The following CDH2 variants were observed in gnomAD, a reference collection of about 807,000 sequenced individuals.
CDH2 encodes the protein cadherin-2.
Under a neutral mutation model 92.0 loss-of-function variants are expected in CDH2, and 17 were observed. The observed-to-expected ratio is 0.18, with a 90% CI of 0.13 to 0.28. CDH2 has a LOEUF of 0.28. CDH2 is among the 10% of genes least tolerant of loss of function. The pLI is 1.00. For missense variants in CDH2, 862 were observed against 1,133.1 expected, an observed-to-expected ratio of 0.76 and a Z score of 3.44; for synonymous variants, 419 against 415.9, an observed-to-expected ratio of 1.01 and a Z score of -0.09.
intron 2 of CDH2, among the ~76,000 whole-genome samples, chr18:28,066,566 C>G (rs540982622): frequency 2.4e-4 from 37 of 152,184 alleles, no homozygotes; most frequent in African/African-American, 8.4e-4. Context: ...ATCAAGCAGA[C>G]AAGCATGTAA....
At chr18:28,018,194 T>C (rs1223045346) in intron 2 of CDH2, among the ~76,000 whole-genome samples, 1 of 147,970 alleles carries the variant, frequency 6.8e-6, no homozygotes, top group Admixed American at 6.7e-5. Flanking sequence ...AACAGACTGC[T>C]GTAAGGAAAA....
Position 27,985,753 on chromosome 18 carries a change from G to C in CDH2, c.1750C>G (p.Pro584Ala), listed in dbSNP as rs2012211384. 1 of 1,589,584 alleles carries C rather than the reference G, an allele frequency of 6.3e-7. No individual in the cohort carries two copies. The change falls in exon 12 of 16, where the codon CCT (proline) becomes GCT (alanine). Residue 584 changes from proline (P) to alanine (A), a missense_variant. Physicochemically the swap from Pro to Ala is conservative, Grantham distance 27 (BLOSUM62 -1). Around this residue, in one of 5 missense-constraint regions of CDH2, gnomAD observed 564 missense variants for 722.2 expected, o/e 0.78. Transcript: ENST00000269141. ...TFLASDNGIP[P>A]MSGTGTLQIY... is the part of the protein sequence containing the mutation. ...TGCAGCGTTCCTGTTCCACTCATAGGAGGAATTCCTGAAAAGAGAGAAAAA... is the reference window on the plus strand; with the variant it reads ...TGCAGCGTTCCTGTTCCACTCATAGCAGGAATTCCTGAAAAGAGAGAAAAA...
intron 14 of CDH2, among the ~76,000 whole-genome samples, chr18:27,970,557 G>A (rs1279878309): frequency 6.6e-6 from 1 of 152,118 alleles, no homozygotes; most frequent in Non-Finnish European, 1.5e-5. Context: ...ACTGCAAAGG[G>A]AGCCAAGTAT....
intron 4 of CDH2, among the ~76,000 whole-genome samples, chr18:28,011,635 C>G (rs1375296881): frequency 6.6e-6 from 1 of 152,026 alleles, no homozygotes; most frequent in Admixed American, 6.6e-5. Flanking sequence ...TGTGCAGGAC[C>G]TACAAGTGAG....
intron 14 of CDH2, among the ~76,000 whole-genome samples, chr18:27,973,473 C>T (rs1489622304): frequency 6.6e-6 from 1 of 152,096 alleles, no homozygotes; most frequent in Non-Finnish European, 1.5e-5. Context: ...TTTTGGTGAA[C>T]CTTACATTCC....
At chr18:27,970,390 A>G (rs1030319599) in intron 14 of CDH2, among the ~76,000 whole-genome samples, 7 of 152,220 alleles carry the variant, frequency 4.6e-5, no homozygotes, top group African/African-American at 1.4e-4. Flanking sequence ...TCTCAGCATG[A>G]CCTATTAATT....
intron 2 of CDH2, among the ~76,000 whole-genome samples, chr18:28,032,534 G>T (rs1399445604): frequency 6.6e-6 from 1 of 152,096 alleles, no homozygotes; most frequent in East Asian, 1.9e-4. Flanking sequence ...GCTATACTCT[G>T]AACAGGATAA....
intron 2 of CDH2, among the ~76,000 whole-genome samples, chr18:28,094,792 T>TAAAAA (rs35744873): frequency 0.059 from 4,868 of 82,212 alleles, 269 homozygotes; most frequent in Non-Finnish European, 0.09. Flanking sequence ...AGACTCTGTC[T>TAAAAA]AAAAAAAAAA....
intron 2 of CDH2, among the ~76,000 whole-genome samples, chr18:28,131,257 C>T (rs1333349037): frequency 6.6e-6 from 1 of 151,912 alleles, no homozygotes; most frequent in Non-Finnish European, 1.5e-5. Context: ...CTAAAACATA[C>T]AACTGCTAGG....
chr18:28,137,856 G>A (rs183337845), intron 2 of CDH2, among the ~76,000 whole-genome samples: 8 of 152,094 alleles, frequency 5.3e-5, no homozygotes, highest in East Asian at 3.9e-4. Flanking sequence ...TCTAAATCCC[G>A]TTACTTTCAT....
chr18:28,135,767 A>G (rs749621323), intron 2 of CDH2, among the ~76,000 whole-genome samples: 37 of 152,192 alleles, frequency 2.4e-4, no homozygotes, highest in Non-Finnish European at 2.9e-5. Context: ...TAGGAGGACA[A>G]ATATTCATCT....
intron 1 of CDH2, among the ~76,000 whole-genome samples, chr18:28,157,438 A>C (rs1290037749): frequency 2.0e-5 from 3 of 152,220 alleles, no homozygotes; most frequent in African/African-American, 7.2e-5. Context: ...TAACCCTATG[A>C]GGTAGATGCT....
rs534661668 is a variant in CDH2 at position 28,110,054 on chromosome 18, T to C, written c.172+37619A>G. On this transcript the variant is annotated intron_variant, in intron 2 of 15. Coordinates refer to ENST00000269141, the MANE Select transcript of CDH2 (RefSeq NM_001792.5). ...GGCCATATGGTGTCCTTTTCTGAGG[T>C]AAGAGGCAATAACCCAACACACTTA... Among the ~76,000 whole-genome samples, 10 of 152,264 alleles carry C rather than the reference T, an allele frequency of 6.6e-5. No individual in the cohort carries two copies. The South Asian group carries it at 2.1e-3, about 32-fold the overall frequency.
At chr18:28,002,072 T>C (rs2012784802) in intron 7 of CDH2, among the ~76,000 whole-genome samples, 1 of 152,232 alleles carries the variant, frequency 6.6e-6, no homozygotes, top group Non-Finnish European at 1.5e-5. Context: ...GTCAAAATAA[T>C]GACCTTGAGA....
At chr18:27,987,413 G>T (rs1283074645) in intron 11 of CDH2, among the ~76,000 whole-genome samples, 1 of 152,136 alleles carries the variant, frequency 6.6e-6, no homozygotes. Flanking sequence ...TCTACAGATA[G>T]TAATCTCATT....
At chr18:28,125,738 C>G (rs187539393) in intron 2 of CDH2, among the ~76,000 whole-genome samples, 3 of 152,016 alleles carry the variant, frequency 2.0e-5, no homozygotes, top group Admixed American at 1.3e-4. Context: ...CTAACAGGCA[C>G]GTAAGACAGT....
At chr18:28,173,525 T>C (rs1164346480) in intron 1 of CDH2, among the ~76,000 whole-genome samples, 1 of 152,182 alleles carries the variant, frequency 6.6e-6, no homozygotes, top group South Asian at 2.1e-4. Context: ...TTTTTATGTA[T>C]ACTTCATATG....
At chr18:28,030,964 C>A (rs1437216430) in intron 2 of CDH2, among the ~76,000 whole-genome samples, 1 of 151,860 alleles carries the variant, frequency 6.6e-6, no homozygotes, top group Non-Finnish European at 1.5e-5. Flanking sequence ...AGCTCATGAC[C>A]TTCCCTGATC....
intron 7 of CDH2, among the ~76,000 whole-genome samples, chr18:28,000,259 T>C (rs2012724447): frequency 6.6e-6 from 1 of 152,084 alleles, no homozygotes; most frequent in Non-Finnish European, 1.5e-5. Context: ...CACACCACCA[T>C]GCCAGCTAAT....
Sources: gnomAD v4.1 joint callset for allele counts (sites outside exome capture counted in the v4.1 genomes callset) on GRCh38, gnomAD v4.1.1 for gene constraint, gnomAD v4.1.1 regional missense constraint, MANE v1.5 for transcripts, NCBI Gene and HGNC (gene_info 2026-07-23, HGNC 2026-07-21) for gene names.